The following HMCN2 variants were observed in gnomAD, a reference collection of about 807,000 sequenced individuals.
HMCN2 encodes the protein hemicentin-2.
Under a neutral mutation model 377.5 loss-of-function variants are expected in HMCN2, and 325 were observed. The observed-to-expected ratio is 0.86, with a 90% CI of 0.79 to 0.94. The LOEUF is 0.94. Among genes scored for constraint, HMCN2 ranks in the 40% least tolerant of loss-of-function variants. The pLI is 0.00. For synonymous variants in HMCN2, 2,007 were observed against 2,046.8 expected, an observed-to-expected ratio of 0.98 and a Z score of 0.53; for missense variants, 4,543 against 4,725.3, an observed-to-expected ratio of 0.96 and a Z score of 1.13.
At chr9:130,426,111 C>A (rs753082038) in intron 90 of HMCN2, among the ~76,000 whole-genome samples, 187 bp downstream of exon 90, 34 of 152,304 alleles carry the variant, frequency 2.2e-4, no homozygotes, top group Non-Finnish European at 3.5e-4. Flanking sequence ...ATCCACCCCC[C>A]ACTCCTCACA....
At chr9:130,392,299 G>A (rs563832942) in intron 66 of HMCN2, among the ~76,000 whole-genome samples, 181 bp downstream of exon 66, 1 of 152,338 alleles carries the variant, frequency 6.6e-6, no homozygotes, top group South Asian at 2.1e-4. Flanking sequence ...CCAGGGAAGG[G>A]GAGGTGGTGG....
chr9:130,287,188 G>T (rs1385714630), intron 4 of HMCN2, among the ~76,000 whole-genome samples: 1 of 152,088 alleles, frequency 6.6e-6, no homozygotes, highest in Non-Finnish European at 1.5e-5. Flanking sequence ...TCACCGCCAG[G>T]TCCCTCCCGC....
At position 130,410,254 on chromosome 9, in the gene HMCN2, T is replaced by A. The variant is rs1843338980; in HGVS notation, c.12880-317T>A. On this transcript the variant is annotated intron_variant, in intron 84 of 97. Transcript: ENST00000683500. The stretch of plus-strand genomic sequence containing the variant: ...TCTCAAATAATGTGCCATGGGACAG[T>A]AAGATTTCAACGTACACAGTTTGGA... Among the ~76,000 whole-genome samples the A allele has an allele frequency of 2.0e-5, 3 of 152,206 alleles. No individual in the cohort carries two copies. The South Asian group carries it at 6.2e-4, about 32-fold the overall frequency.
rs1475750978 is a variant in HMCN2 at position 130,433,402 on chromosome 9, G to A, written c.14949G>A (p.Leu4983=). 6.7e-7 allele frequency: 1 copy of A among 1,493,470 alleles called. No homozygotes were observed. Among genetic ancestry groups the A allele is most frequent in the East Asian group, 2.8e-5 (1 of 35,366 alleles). The allele number at this position is 1,493,470 out of a possible 1,614,324, so 92.5% of individuals were successfully genotyped here. A position where few individuals can be genotyped will look rare whatever the true frequency, so the allele number is the denominator to read the frequency against. ...GCGGCACGGGCGGCCCCTCTACGCT[G>A]CAGTACCGGCTGCTGCCGCTGCCCC... ...QDCGTGGPST[L]QYRLLPLPLG... The change falls in exon 98 of 98, where the codon CTG becomes CTA. Residue 4983 remains leucine (L), a synonymous_variant. Coordinates refer to ENST00000683500, the MANE Select transcript of HMCN2 (RefSeq NM_001291815.2).
At chr9:130,266,490 G>T (rs1357129251) in intron 1 of HMCN2, among the ~76,000 whole-genome samples, 1 of 152,244 alleles carries the variant, frequency 6.6e-6, no homozygotes, top group Non-Finnish European at 1.5e-5. Context: ...GTTGAAATGA[G>T]GCATTCCTCT....
chr9:130,287,251 C>A (rs1264833830), intron 4 of HMCN2, among the ~76,000 whole-genome samples: 2 of 152,100 alleles, frequency 1.3e-5, no homozygotes, highest in Non-Finnish European at 1.5e-5. Context: ...CCTTTCTGGT[C>A]CCCCTGGTAT....
At chr9:130,403,385 G>GT (rs935305110) in intron 79 of HMCN2, 57 bp downstream of exon 79, 16 of 1,255,020 alleles carry the variant, frequency 1.3e-5, no homozygotes, top group African/African-American at 3.6e-5. Context: ...GGTCTGGGCA[G>GT]GGGGGGAGTC....
At chr9:130,286,915 TATC>T (rs1175551183) in intron 4 of HMCN2, among the ~76,000 whole-genome samples, 2 of 152,016 alleles carry the variant, frequency 1.3e-5, no homozygotes, top group Non-Finnish European at 2.9e-5. Context: ...GGCTCCATGG[TATC>T]ATCCTGTTCA....
rs1178968492 is a variant in HMCN2 at position 130,433,410 on chromosome 9, G to C, written c.14957G>C (p.Arg4986Pro). The change falls in exon 98 of 98, where the codon CGG becomes CCG. Residue 4986 changes from arginine to proline, a missense_variant. Arg to Pro is a moderately radical substitution (Grantham distance 103). Transcript: ENST00000683500. ...GGCGGCCCCTCTACGCTGCAGTACC[G>C]GCTGCTGCCGCTGCCCCTGGGCGTG... ...GTGGPSTLQY[R>P]LLPLPLGVRA... 4 of 1,492,816 alleles carry C rather than the reference G, an allele frequency of 2.7e-6. No individual in the cohort carries two copies. The highest frequency in any genetic ancestry group is 2.8e-5 in the East Asian group (1 of 35,298). 92.5% of individuals were successfully genotyped at this position (1,492,816 alleles called of 1,614,324 possible).
At chr9:130,302,116 A>G (rs1049572388) in intron 8 of HMCN2, among the ~76,000 whole-genome samples, 2 of 148,150 alleles carry the variant, frequency 1.3e-5, no homozygotes, top group East Asian at 3.9e-4. Flanking sequence ...ATCTTGGCTC[A>G]CTGCAGTCTC....
chr9:130,296,228 G>A (rs986629725), intron 6 of HMCN2, among the ~76,000 whole-genome samples: 11 of 152,164 alleles, frequency 7.2e-5, no homozygotes, highest in African/African-American at 2.4e-4. Context: ...CTGGAAGAGT[G>A]GGGGCTCCTG....
chr9:130,320,008 A>G (rs2131397560), intron 16 of HMCN2, among the ~76,000 whole-genome samples: 1 of 152,250 alleles, frequency 6.6e-6, no homozygotes, highest in Non-Finnish European at 1.5e-5. Context: ...CACACATATA[A>G]GCTACTATGA....
At chr9:130,314,976 G>A (rs1837453566) in intron 15 of HMCN2, among the ~76,000 whole-genome samples, 1 of 152,062 alleles carries the variant, frequency 6.6e-6, no homozygotes, top group East Asian at 2.0e-4. Flanking sequence ...AGGCGCAGGG[G>A]AGTCACCACC....
At chr9:130,329,157 T>C (rs1838293259) in intron 22 of HMCN2, among the ~76,000 whole-genome samples, 1 of 152,146 alleles carries the variant, frequency 6.6e-6, no homozygotes, top group South Asian at 2.1e-4. Context: ...CAGCCCCCCA[T>C]TTCTGCTCCA....
intron 1 of HMCN2, among the ~76,000 whole-genome samples, chr9:130,277,519 C>T (rs148510907): frequency 2.6e-5 from 4 of 152,302 alleles, no homozygotes; most frequent in African/African-American, 9.6e-5. Context: ...TTGGGCAGCT[C>T]ACTTTACTTC....
In HMCN2 at chr9:130,277,763, TCAC is replaced by T. The variant is rs1318146261; in HGVS notation, c.260-6831_260-6829del. On this transcript the variant is annotated intron_variant, in intron 1 of 97. Transcript: ENST00000683500. ...ATCACCACCACCACCATCATCATCA[TCAC>T]CACCACCATCATCATCACCACCACC... 1.6e-3 allele frequency among the ~76,000 whole-genome samples: 68 copies of T among 42,028 alleles called. 11 individuals carry two copies. Among genetic ancestry groups the T allele is most frequent in the East Asian group, 5.9e-3 (6 of 1,024 alleles). 27.6% of individuals were successfully genotyped at this position (42,028 alleles called of 152,430 possible). A position where few individuals can be genotyped will look rare whatever the true frequency, so the allele number is the denominator to read the frequency against.
chr9:130,389,954 G>A (rs1164543946), intron 62 of HMCN2, among the ~76,000 whole-genome samples: 2 of 152,106 alleles, frequency 1.3e-5, no homozygotes, highest in African/African-American at 2.4e-5. Context: ...TGGCTGTGTC[G>A]CGTGTTGTGC....
chr9:130,394,908 T>C lies in HMCN2; in HGVS notation c.10693-119T>C. 5.3e-6 allele frequency: 3 copies of C among 566,592 alleles called. No homozygotes were observed. The highest frequency in any genetic ancestry group is 8.3e-6 in the Non-Finnish European group (3 of 362,862). 35.1% of individuals were successfully genotyped at this position (566,592 alleles called of 1,614,324 possible). Reference sequence around the variant, plus strand: ...GGGCGTGGGTTGGCTGGGAGGTGGATGGCAGACCTCGCAGGGCTGAGTTTG... The same window carrying C: ...GGGCGTGGGTTGGCTGGGAGGTGGACGGCAGACCTCGCAGGGCTGAGTTTG... On this transcript the variant is annotated intron_variant, in intron 69 of 97. Transcript: ENST00000683500. The surrounding 1 kb of genome is among the most constrained non-coding windows in gnomAD (Gnocchi z 5.1).
In HMCN2 at chr9:130,308,343, G is replaced by A. The variant is rs1379862007; in HGVS notation, c.2200+777G>A. On this transcript the variant is annotated intron_variant, in intron 14 of 97. Transcript: ENST00000683500. The surrounding 1 kb of genome is among the most constrained non-coding windows in gnomAD (Gnocchi z 4.1). ...AGTGCCGACGATAATGTGATTATCTGAAAATGACAGCAATAATGACAGGGT... is the reference window on the plus strand; with the variant it reads ...AGTGCCGACGATAATGTGATTATCTAAAAATGACAGCAATAATGACAGGGT... 6.6e-6 allele frequency among the ~76,000 whole-genome samples: 1 copy of A among 152,212 alleles called. No homozygotes were observed.
Sources: allele counts gnomAD v4.1 joint callset (sites outside exome capture counted in the v4.1 genomes callset), GRCh38; gene constraint gnomAD v4.1.1; non-coding constraint Gnocchi (gnomAD v3.1); transcripts MANE v1.5; gene names NCBI Gene and HGNC (gene_info 2026-07-23, HGNC 2026-07-21).